CNTRL: variants seen among roughly 807,000 people sequenced by gnomAD.
The protein encoded by CNTRL is centriolin.
CNTRL carries 233 observed loss-of-function variants against 303.7 expected under a neutral mutation model. The observed-to-expected ratio is 0.77, with a 90% CI of 0.69 to 0.86. The LOEUF (loss-of-function observed/expected upper bound fraction) is 0.86, where lower values mean the gene tolerates loss of function less well. CNTRL is among the 40% of genes least tolerant of loss of function. CNTRL has a pLI of 0.00. For missense variants in CNTRL, 2,524 were observed against 2,650.6 expected, an observed-to-expected ratio of 0.95 and a Z score of 1.05; for synonymous variants, 900 against 922.2, an observed-to-expected ratio of 0.98 and a Z score of 0.44.
intron 14 of CNTRL, among the ~76,000 whole-genome samples, chr9:121,126,924 C>G (rs569469312): frequency 6.6e-6 from 1 of 152,106 alleles, no homozygotes; most frequent in African/African-American, 2.4e-5. Context: ...TGGGTTGAAG[C>G]GATTCTCCTG....
At chr9:121,109,558 A>G (rs1408096936) in intron 8 of CNTRL, among the ~76,000 whole-genome samples, 1 of 144,162 alleles carries the variant, frequency 6.9e-6, no homozygotes, top group Non-Finnish European at 1.5e-5. Flanking sequence ...GCTATTAGAG[A>G]CAGTACTACA....
intron 15 of CNTRL, among the ~76,000 whole-genome samples, chr9:121,137,026 A>G (rs556441756): frequency 7.2e-5 from 11 of 152,308 alleles, no homozygotes; most frequent in African/African-American, 2.6e-4. Flanking sequence ...CAGAGAGGTG[A>G]GGAGAGAGAG....
At chr9:121,084,320 C>A (rs2048261782) in intron 2 of CNTRL, among the ~76,000 whole-genome samples, 2 of 152,168 alleles carry the variant, frequency 1.3e-5, no homozygotes, top group Non-Finnish European at 2.9e-5. Context: ...CCTAACCTTG[C>A]AAATGTAGGA....
chr9:121,121,723 C>T (rs2050235465), intron 12 of CNTRL: 10 of 943,646 alleles, frequency 1.1e-5, no homozygotes, highest in Middle Eastern at 5.5e-4. Flanking sequence ...GAGGGTGGGG[C>T]CTGCCCGCAG....
At chr9:121,097,851 G>C (rs1435015088) in intron 6 of CNTRL, among the ~76,000 whole-genome samples, 1 of 152,188 alleles carries the variant, frequency 6.6e-6, no homozygotes, top group African/African-American at 2.4e-5. Flanking sequence ...TCACTTGGGA[G>C]AGAAGATTTA....
At chr9:121,153,262 T>C (rs1202442610) in intron 26 of CNTRL, among the ~76,000 whole-genome samples, 1 of 152,208 alleles carries the variant, frequency 6.6e-6, no homozygotes, top group African/African-American at 2.4e-5. Flanking sequence ...TGTTCCACTT[T>C]CCCATGTGAT....
chr9:121,157,941 G>A (rs751190850), intron 29 of CNTRL, 42 bp from the exon 30 acceptor site: 62 of 1,613,672 alleles, frequency 3.8e-5, no homozygotes, highest in Non-Finnish European at 5.1e-5. Context: ...CTGGGGTTCC[G>A]AGTCCCTTAG....
At chr9:121,160,573 A>G (rs1324892084) in intron 32 of CNTRL, among the ~76,000 whole-genome samples, 1 of 152,216 alleles carries the variant, frequency 6.6e-6, no homozygotes, top group Non-Finnish European at 1.5e-5. Context: ...AAACTGGAAC[A>G]ATCTCCCAGT....
At position 121,177,380 on chromosome 9, in the gene CNTRL, A is replaced by AT; in HGVS notation, c.*195dup. The AT allele has an allele frequency of 2.2e-6, 1 of 453,208 alleles. No individual in the cohort carries two copies. Among genetic ancestry groups the AT allele is most frequent in the Admixed American group, 4.3e-5 (1 of 23,174 alleles). 28.1% of individuals were successfully genotyped at this position (453,208 alleles called of 1,614,324 possible). A position where few individuals can be genotyped will look rare whatever the true frequency, so the allele number is the denominator to read the frequency against. On this transcript the variant is annotated 3_prime_UTR_variant, in exon 44 of 44. Transcript: ENST00000373855. ...TCACTTGTACATAGTACATATGGGA[A>AT]TAGTTGCATATGGGAATTTAAACCA... is the stretch of plus-strand genomic sequence containing the variant.
At chr9:121,094,749 AG>A in intron 4 of CNTRL, 138 bp from the exon 5 acceptor site, 1 of 563,878 alleles carries the variant, frequency 1.8e-6, no homozygotes. Context: ...AGCTGCATCA[AG>A]GGATTCTCCA....
chr9:121,113,622 AAGATGGAGCC>A lies in CNTRL; in HGVS notation c.1249_1258del (p.Glu417AsnfsTer8). ...CAGTGCTCAGGCAGTACAGATCAAG[AAGATGGAGCC>A]AGATGAACAACTTAGAAATGATCAC... On this transcript the variant is annotated frameshift_variant, in exon 10 of 44. Transcript: ENST00000373855. LOFTEE classifies it high-confidence loss of function. 1 of 1,610,132 alleles carries A rather than the reference AAGATGGAGCC, an allele frequency of 6.2e-7. No homozygotes were observed. Among genetic ancestry groups the A allele is most frequent in the Non-Finnish European group, 8.5e-7 (1 of 1,178,636 alleles).
intron 14 of CNTRL, among the ~76,000 whole-genome samples, chr9:121,131,039 CT>C (rs1178889593): frequency 6.6e-6 from 1 of 152,122 alleles, no homozygotes; most frequent in Non-Finnish European, 1.5e-5. Context: ...TTGAGGAGTG[CT>C]TTACTTCCAA....
chr9:121,122,524 C>T (rs1453321534), intron 12 of CNTRL: 10 of 389,014 alleles, frequency 2.6e-5, no homozygotes, highest in South Asian at 2.1e-4. Flanking sequence ...ATACAGTTCC[C>T]TCTTTCGATA....
chr9:121,141,622 T>TG, intron 18 of CNTRL, 34 bp downstream of exon 18: 3 of 1,580,524 alleles, frequency 1.9e-6, no homozygotes, highest in Non-Finnish European at 2.6e-6. Flanking sequence ...TGGAGGGAAG[T>TG]GTTTGGCAAA....
chr9:121,168,393 T>C (rs1321254641), intron 38 of CNTRL, 72 bp downstream of exon 38: 1 of 1,398,998 alleles, frequency 7.1e-7, no homozygotes, highest in Non-Finnish European at 1.0e-6. Context: ...GCAAAAGTAT[T>C]TAAAGAGATC....
At chr9:121,145,026 C>G in intron 21 of CNTRL, 67 bp downstream of exon 21, 1 of 1,360,278 alleles carries the variant, frequency 7.4e-7, no homozygotes, top group South Asian at 1.2e-5. Flanking sequence ...GACAAAATTA[C>G]TGTAGGTGAT....
chr9:121,086,246 C>T (rs764096921), intron 2 of CNTRL, among the ~76,000 whole-genome samples: 10 of 152,110 alleles, frequency 6.6e-5, no homozygotes, highest in Non-Finnish European at 1.2e-4. Flanking sequence ...GTAAACAAAA[C>T]AGACAGGCTC....
rs572429373 is a variant in CNTRL at position 121,118,086 on chromosome 9, A to G, written c.1456-260A>G. Among the ~76,000 whole-genome samples, 4 of 152,178 alleles carry G rather than the reference A, an allele frequency of 2.6e-5. No individual in the cohort carries two copies. The South Asian group carries it at 8.3e-4, about 32-fold the overall frequency. On this transcript the variant is annotated intron_variant, in intron 11 of 43. Coordinates refer to ENST00000373855, the MANE Select transcript of CNTRL (RefSeq NM_007018.6). The stretch of plus-strand genomic sequence containing the variant: ...CTATGTTTATTATTAATAATTTACA[A>G]GTTGCCTATACTATTATAGAATGAC...
At chr9:121,098,604 G>A in intron 7 of CNTRL, 32 bp downstream of exon 7, 1 of 1,375,194 alleles carries the variant, frequency 7.3e-7, no homozygotes, top group Non-Finnish European at 9.9e-7. Flanking sequence ...AATAAATTTG[G>A]GTGAGGGAGG....
Sources: gnomAD v4.1 joint callset for allele counts (sites outside exome capture counted in the v4.1 genomes callset) on GRCh38, gnomAD v4.1.1 for gene constraint, MANE v1.5 for transcripts, NCBI Gene and HGNC (gene_info 2026-07-23, HGNC 2026-07-21) for gene names.